The following MAPKAPK5 variants were observed in gnomAD, a reference collection of about 807,000 sequenced individuals.
MAPKAPK5 encodes MAP kinase-activated protein kinase 5.
In MAPKAPK5, 30 loss-of-function variants were observed where a neutral mutation model predicts 65.1. The ratio of observed to expected loss-of-function variants is 0.46; its 90% CI spans 0.34 to 0.63. The LOEUF (loss-of-function observed/expected upper bound fraction) is 0.63. Ranked by LOEUF, MAPKAPK5 falls within the 20% of genes least tolerant of loss-of-function variation. The pLI, the probability that MAPKAPK5 is intolerant of heterozygous loss-of-function variation, is 0.01. For synonymous variants in MAPKAPK5, 179 were observed against 204.6 expected, an observed-to-expected ratio of 0.87 and a Z score of 1.07; for missense variants, 433 against 581.4, an observed-to-expected ratio of 0.74 and a Z score of 2.63.
Position 111,850,697 on chromosome 12 carries a change from G to A in MAPKAPK5, c.36+7928G>A, listed in dbSNP as rs1405633119. On this transcript the variant is annotated intron_variant, in intron 1 of 13. Transcript: ENST00000550735. ...ACAATGCCACAAAGGACATTTATGA[G>A]TAAGGAAGAGCAGTGAGTGCCAGGA... 3.3e-5 allele frequency among the ~76,000 whole-genome samples: 5 copies of A among 152,174 alleles called. No individual in the cohort carries two copies. The South Asian group carries it at 8.3e-4, about 25-fold the overall frequency.
At chr12:111,870,440 A>T (rs944200458) in intron 6 of MAPKAPK5, 80 bp downstream of exon 6, 1 of 1,156,542 alleles carries the variant, frequency 8.6e-7, no homozygotes, top group African/African-American at 1.5e-5. Flanking sequence ...AGCGCTCTGA[A>T]TTCATGGTGA....
chr12:111,865,124 C>T, intron 1 of MAPKAPK5, 126 bp from the exon 2 acceptor site: 2 of 622,150 alleles, frequency 3.2e-6, no homozygotes, highest in South Asian at 4.1e-5. Flanking sequence ...ACACAAAGTT[C>T]TGCTTATCAG....
chr12:111,888,611 T>A lies in MAPKAPK5; in HGVS notation c.1093T>A (p.Leu365Ile), dbSNP rs768852344. The A allele has an allele frequency of 6.2e-7, 1 of 1,613,720 alleles. No individual in the cohort carries two copies. Among genetic ancestry groups the A allele is most frequent in the South Asian group, 1.1e-5 (1 of 90,986 alleles). Residue 365 changes from leucine to isoleucine, a missense_variant, in exon 11 of 14, where the codon TTA (leucine) becomes ATA (isoleucine). Leu to Ile is a conservative substitution (Grantham distance 5). Coordinates refer to ENST00000550735, the MANE Select transcript of MAPKAPK5 (RefSeq NM_003668.4). ...VNNPILRKRK[L>I]LGTKPKDSVY... ...CAACCCCATTCTGCGGAAGAGGAAGTTACTTGGGTAACTGAGCTTATTTCT... is the reference window on the plus strand; with the variant it reads ...CAACCCCATTCTGCGGAAGAGGAAGATACTTGGGTAACTGAGCTTATTTCT...
At position 111,901,905 on chromosome 12, in the gene MAPKAPK5, A is replaced by G. The variant is rs1056949500; in HGVS notation, c.*8844A>G. ...AATTTAATATGTTAAATATTTTAGT[A>G]CCTTTTGCTTTTTCACATTTCATTT... On this transcript the variant is annotated 3_prime_UTR_variant, in exon 14 of 14. Coordinates refer to ENST00000550735, the MANE Select transcript of MAPKAPK5 (RefSeq NM_003668.4). 6.5e-6 allele frequency: 1 copy of G among 153,560 alleles called. No homozygotes were observed. Among genetic ancestry groups the G allele is most frequent in the Non-Finnish European group, 1.4e-5 (1 of 69,108 alleles). The allele number at this position is 153,560 out of a possible 1,614,324, so 9.5% of individuals were successfully genotyped here. A position where few individuals can be genotyped will look rare whatever the true frequency, so the allele number is the denominator to read the frequency against.
intron 1 of MAPKAPK5, among the ~76,000 whole-genome samples, chr12:111,843,791 A>G (rs918272311): frequency 3.9e-5 from 6 of 152,194 alleles, no homozygotes; most frequent in Non-Finnish European, 7.4e-5. Flanking sequence ...TAACATATAC[A>G]TTAAGGAAGA....
chr12:111,891,048 T>G (rs1487627866), intron 13 of MAPKAPK5, among the ~76,000 whole-genome samples: 1 of 152,278 alleles, frequency 6.6e-6, no homozygotes, highest in Admixed American at 6.5e-5. Context: ...AACTGAAGAT[T>G]TCAATGCCTC....
In MAPKAPK5 at chr12:111,849,799, C is replaced by T. The variant is rs1243669794; in HGVS notation, c.36+7030C>T. Reference sequence around the variant, plus strand: ...TGATGCGATCACAGTTCGCTGCAGCCATGTCCTTCTAGGCTTAAGTGATTC... The same window carrying T: ...TGATGCGATCACAGTTCGCTGCAGCTATGTCCTTCTAGGCTTAAGTGATTC... On this transcript the variant is annotated intron_variant, in intron 1 of 13. Coordinates refer to ENST00000550735, the MANE Select transcript of MAPKAPK5 (RefSeq NM_003668.4). Among the ~76,000 whole-genome samples the T allele has an allele frequency of 3.3e-5, 5 of 152,086 alleles. No individual in the cohort carries two copies. In the South Asian group the frequency reaches 1.0e-3, roughly 32 times the overall value.
intron 3 of MAPKAPK5, 88 bp from the exon 4 acceptor site, chr12:111,867,484 A>T: frequency 1.2e-6 from 1 of 836,594 alleles, no homozygotes; most frequent in Middle Eastern, 2.3e-4. Context: ...TTTTTATTGT[A>T]ATTAGCTTGT....
In MAPKAPK5 at chr12:111,883,217, A is replaced by G. The variant is rs2070295809; in HGVS notation, c.661-364A>G. Among the ~76,000 whole-genome samples, 1 of 152,070 alleles carries G rather than the reference A, an allele frequency of 6.6e-6. No individual in the cohort carries two copies. Among genetic ancestry groups the G allele is most frequent in the Non-Finnish European group, 1.5e-5 (1 of 68,002 alleles). ...GAAAGCCTATCTCTACTAAAAAAAA[A>G]ATACAAAAATTAGCCAGGCGGCATG... On this transcript the variant is annotated intron_variant, in intron 8 of 13. Transcript: ENST00000550735. The surrounding 1 kb of genome is among the most constrained non-coding windows in gnomAD (Gnocchi z 4.8).
chr12:111,899,690 T>C lies in MAPKAPK5; in HGVS notation c.*6629T>C, dbSNP rs1266382085. The C allele has an allele frequency of 6.6e-6, 2 of 304,260 alleles. No individual in the cohort carries two copies. The highest frequency in any genetic ancestry group is 8.2e-5 in the Admixed American group (2 of 24,412). The allele number at this position is 304,260 out of a possible 1,614,324, so 18.8% of individuals were successfully genotyped here. ...GGCAAGAATCGCCTTTCATCTCACA[T>C]GACTGCCACTATGAAGGCTACATAG... On this transcript the variant is annotated 3_prime_UTR_variant, in exon 14 of 14. Transcript: ENST00000550735.
At position 111,896,122 on chromosome 12, in the gene MAPKAPK5, T is replaced by A. The variant is rs1429788370; in HGVS notation, c.*3061T>A. 1.3e-5 allele frequency: 2 copies of A among 152,224 alleles called. No individual in the cohort carries two copies. Among genetic ancestry groups the A allele is most frequent in the East Asian group, 3.8e-4 (2 of 5,196 alleles). 9.4% of individuals were successfully genotyped at this position (152,224 alleles called of 1,614,324 possible). On this transcript the variant is annotated 3_prime_UTR_variant, in exon 14 of 14. Transcript: ENST00000550735. ...TCTTCTTTAGAGGAATATTCTAGCATATCCATTATATCCATAACTTCTTAA... is the reference window on the plus strand; with the variant it reads ...TCTTCTTTAGAGGAATATTCTAGCAAATCCATTATATCCATAACTTCTTAA...
intron 12 of MAPKAPK5, 124 bp from the exon 13 acceptor site, chr12:111,889,916 G>C: frequency 3.1e-6 from 2 of 651,392 alleles, no homozygotes; most frequent in Non-Finnish European, 5.6e-6. Context: ...CCCTTGTCTG[G>C]TGAAGTTTTG....
At chr12:111,855,918 TGATCTTGGTTCACC>T (rs1260785731) in intron 1 of MAPKAPK5, among the ~76,000 whole-genome samples, 2 of 150,288 alleles carry the variant, frequency 1.3e-5, no homozygotes, top group Admixed American at 1.3e-4. Flanking sequence ...TGCAATGGCG[TGATCTTGGTTCACC>T]GCAACCTCTG....
intron 7 of MAPKAPK5, among the ~76,000 whole-genome samples, chr12:111,876,377 C>T (rs1023599055): frequency 6.6e-6 from 1 of 151,866 alleles, no homozygotes; most frequent in Non-Finnish European, 1.5e-5. Context: ...ATGAAATAAT[C>T]TGTATACCAA....
chr12:111,857,273 C>T (rs1439069096), intron 1 of MAPKAPK5, among the ~76,000 whole-genome samples: 3 of 150,486 alleles, frequency 2.0e-5, no homozygotes, highest in Admixed American at 6.6e-5. Flanking sequence ...TGGAGCCTCG[C>T]TCCCGTTGCT....
At chr12:111,844,403 G>C (rs761738399) in intron 1 of MAPKAPK5, among the ~76,000 whole-genome samples, 6 of 152,152 alleles carry the variant, frequency 3.9e-5, no homozygotes, top group Admixed American at 1.3e-4. Context: ...GTGTTAGCCA[G>C]GATGGTCTCC....
intron 1 of MAPKAPK5, among the ~76,000 whole-genome samples, chr12:111,850,653 A>G (rs910519452): frequency 6.6e-5 from 10 of 152,206 alleles, no homozygotes; most frequent in Admixed American, 6.5e-4. Context: ...GCAGACAAAA[A>G]TGCCCTGTTC....
chr12:111,879,271 TG>T lies in MAPKAPK5; in HGVS notation c.580-1175del, dbSNP rs1177593108. 2.0e-5 allele frequency: 3 copies of T among 152,354 alleles called. No individual in the cohort carries two copies. The East Asian group carries it at 5.8e-4, about 29-fold the overall frequency. 9.4% of individuals were successfully genotyped at this position (152,354 alleles called of 1,614,324 possible). A position where few individuals can be genotyped will look rare whatever the true frequency, so the allele number is the denominator to read the frequency against. On this transcript the variant is annotated intron_variant, in intron 7 of 13. Transcript: ENST00000550735. ...TAATGCTTGATATTTTTTCTGCTGT[TG>T]TGAATGGTGTTTTATTTTCGGGTTT... is the stretch of plus-strand genomic sequence containing the variant.
At chr12:111,860,832 A>C in intron 1 of MAPKAPK5, among the ~76,000 whole-genome samples, 1 of 151,758 alleles carries the variant, frequency 6.6e-6, no homozygotes, top group East Asian at 1.9e-4. Context: ...CTACCACTTC[A>C]TGCTGTGAAT....
Sources: gnomAD v4.1 joint callset for allele counts (sites outside exome capture counted in the v4.1 genomes callset) on GRCh38, gnomAD v4.1.1 for gene constraint, Gnocchi (gnomAD v3.1) non-coding constraint, MANE v1.5 for transcripts, NCBI Gene and HGNC (gene_info 2026-07-23, HGNC 2026-07-21) for gene names.